The following FGF12 variants were observed in gnomAD, a reference collection of about 807,000 sequenced individuals.
FGF12 encodes fibroblast growth factor 12B.
FGF12 carries 14 observed loss-of-function variants against 23.6 expected under a neutral mutation model. That is an observed-to-expected ratio of 0.59 (90% CI 0.39 to 0.93). The LOEUF is 0.93. FGF12 is among the 40% of genes least tolerant of loss of function. FGF12 has a pLI of 0.00. For missense variants in FGF12, 175 were observed against 217.8 expected, an observed-to-expected ratio of 0.80 and a Z score of 1.24; for synonymous variants, 62 against 77.3, an observed-to-expected ratio of 0.80 and a Z score of 1.04.
intron 4 of FGF12, among the ~76,000 whole-genome samples, chr3:192,305,630 T>C (rs1387113671): frequency 6.9e-6 from 1 of 144,764 alleles, no homozygotes; most frequent in Non-Finnish European, 1.5e-5. Flanking sequence ...TGATAGAACA[T>C]TTACTTTTCT....
chr3:192,540,335 T>C (rs1393171817), intron 2 of FGF12, among the ~76,000 whole-genome samples: 2 of 152,072 alleles, frequency 1.3e-5, no homozygotes, highest in Non-Finnish European at 2.9e-5. Context: ...CAGTGTGTCG[T>C]GTCTCCATTA....
At chr3:192,644,927 T>C (rs925773434) in intron 2 of FGF12, among the ~76,000 whole-genome samples, 13 of 152,278 alleles carry the variant, frequency 8.5e-5, no homozygotes, top group South Asian at 2.1e-4. Flanking sequence ...CTTTGAGAAA[T>C]ATATGACATT....
intron 4 of FGF12, among the ~76,000 whole-genome samples, chr3:192,209,145 T>G (rs1717801296): frequency 6.6e-6 from 1 of 152,220 alleles, no homozygotes; most frequent in African/African-American, 2.4e-5. Flanking sequence ...TTATGGGACT[T>G]TCAGAAAAGC....
rs540581221 is a variant in FGF12, at chr3:192,356,029, C to T, written c.124+4399G>A. Among the ~76,000 whole-genome samples the T allele has an allele frequency of 6.6e-5, 10 of 152,268 alleles. No homozygotes were observed. The South Asian group carries it at 1.9e-3, about 28-fold the overall frequency. On this transcript the variant is annotated intron_variant, in intron 3 of 5. Transcript: ENST00000445105. ...CTGCTGGCTGTCAGGGACTGTTTTG[C>T]TATTTCTCAACTATACGCCCTTTTG...
chr3:192,476,034 T>A lies in FGF12; in HGVS notation c.14-115496A>T, dbSNP rs1411669894. On this transcript the variant is annotated intron_variant, in intron 2 of 5. Coordinates refer to ENST00000445105, the MANE Select transcript of FGF12 (RefSeq NM_004113.6). The stretch of plus-strand genomic sequence containing the variant: ...CAAAGAATGTAACAATCTATGAACT[T>A]CCCAAACCATCATCAAACAGCATAA... Among the ~76,000 whole-genome samples the A allele has an allele frequency of 2.6e-5, 4 of 151,960 alleles. No individual in the cohort carries two copies. In the East Asian group the frequency reaches 7.7e-4, roughly 29 times the overall value.
chr3:192,716,451 C>T (rs982480862), intron 2 of FGF12, among the ~76,000 whole-genome samples: 1 of 152,162 alleles, frequency 6.6e-6, no homozygotes, highest in East Asian at 1.9e-4. Context: ...GATGTCACTG[C>T]CACTCAGTTT....
intron 2 of FGF12, among the ~76,000 whole-genome samples, chr3:192,435,271 T>TA (rs199936558): frequency 1.4e-4 from 21 of 152,200 alleles, no homozygotes; most frequent in Non-Finnish European, 1.8e-4. Flanking sequence ...TAGTTTTTTT[T>TA]AAAAAAACTT....
chr3:192,251,957 A>G (rs1712041105), intron 4 of FGF12, among the ~76,000 whole-genome samples: 1 of 152,162 alleles, frequency 6.6e-6, no homozygotes, highest in African/African-American at 2.4e-5. Context: ...TCCATAAATC[A>G]TTCCTCACAA....
At chr3:192,169,526 C>CTATG (rs2108617090) in intron 5 of FGF12, among the ~76,000 whole-genome samples, 1 of 152,212 alleles carries the variant, frequency 6.6e-6, no homozygotes, top group East Asian at 1.9e-4. Flanking sequence ...GTGCTATGTA[C>CTATG]TATGCACCAG....
intron 2 of FGF12, among the ~76,000 whole-genome samples, chr3:192,383,490 A>G (rs577866065): frequency 4.0e-4 from 61 of 151,502 alleles, no homozygotes; most frequent in Non-Finnish European, 4.0e-4. Flanking sequence ...GAACTCCCTT[A>G]AAATGACATG....
intron 2 of FGF12, among the ~76,000 whole-genome samples, chr3:192,569,404 A>G (rs1407802214): frequency 1.3e-5 from 2 of 152,140 alleles, no homozygotes; most frequent in African/African-American, 4.8e-5. Context: ...CTTAATTTCT[A>G]AGGAACCCTC....
chr3:192,246,881 GAGAA>G (rs1448159123), intron 4 of FGF12, among the ~76,000 whole-genome samples: 7 of 146,186 alleles, frequency 4.8e-5, no homozygotes, highest in East Asian at 4.0e-4. Context: ...AAGAAAGAGA[GAGAA>G]AGAGAGAGGA....
At position 192,522,078 on chromosome 3, in the gene FGF12, G is replaced by A. The variant is rs138608726; in HGVS notation, c.14-161540C>T. Reference sequence around the variant, plus strand: ...CCGAGCGCGGTGGCGGGCGCCTGTAGTCCCAGCTACTCGGGAGGCTGAGGC... The same window carrying A: ...CCGAGCGCGGTGGCGGGCGCCTGTAATCCCAGCTACTCGGGAGGCTGAGGC... On this transcript the variant is annotated intron_variant, in intron 2 of 5. Coordinates refer to ENST00000445105, the MANE Select transcript of FGF12 (RefSeq NM_004113.6). Among the ~76,000 whole-genome samples the A allele has an allele frequency of 4.1e-3, 627 of 152,024 alleles. 1 individual carries two copies. Among genetic ancestry groups the A allele is most frequent in the Non-Finnish European group, 6.1e-3 (417 of 68,008 alleles).
chr3:192,727,524 T>C lies in FGF12; in HGVS notation c.-171A>G, dbSNP rs1433509592. ...GCAGGCAGGAGCTGTCCTCCGAGCG[T>C]GGTGCTGCAGGTGTAGTGACAGATC... On this transcript the variant is annotated 5_prime_UTR_variant, in exon 1 of 6. Coordinates refer to ENST00000445105, the MANE Select transcript of FGF12 (RefSeq NM_004113.6). 5.9e-6 allele frequency: 3 copies of C among 512,176 alleles called. No individual in the cohort carries two copies. The highest frequency in any genetic ancestry group is 1.0e-5 in the Non-Finnish European group (3 of 290,052). 31.7% of individuals were successfully genotyped at this position (512,176 alleles called of 1,614,324 possible). A position where few individuals can be genotyped will look rare whatever the true frequency, so the allele number is the denominator to read the frequency against.
chr3:192,327,766 C>T (rs1239844442), intron 4 of FGF12, among the ~76,000 whole-genome samples: 3 of 152,120 alleles, frequency 2.0e-5, no homozygotes, highest in African/African-American at 4.8e-5. Flanking sequence ...GTGGCACAAA[C>T]GTGGCTTACT....
intron 4 of FGF12, among the ~76,000 whole-genome samples, chr3:192,178,197 G>A (rs1260383962): frequency 6.6e-6 from 1 of 151,916 alleles, no homozygotes; most frequent in Non-Finnish European, 1.5e-5. Context: ...TGTCACTTTT[G>A]TCTTACTTTA....
At chr3:192,586,882 A>AAT (rs1713393757) in intron 2 of FGF12, among the ~76,000 whole-genome samples, 2 of 152,120 alleles carry the variant, frequency 1.3e-5, no homozygotes, top group Admixed American at 1.3e-4. Flanking sequence ...TTTCTATTAA[A>AAT]CTGCTGACAA....
chr3:192,691,364 G>C (rs986688032), intron 2 of FGF12, among the ~76,000 whole-genome samples: 1 of 151,874 alleles, frequency 6.6e-6, no homozygotes, highest in South Asian at 2.1e-4. Context: ...TATGAAACTA[G>C]AAACCAATAA....
chr3:192,643,946 G>C (rs1715898257), intron 2 of FGF12, among the ~76,000 whole-genome samples: 2 of 152,244 alleles, frequency 1.3e-5, no homozygotes, highest in South Asian at 4.1e-4. Context: ...CACCCCACTT[G>C]AAGAGTAAAC....
Sources: allele counts gnomAD v4.1 joint callset (sites outside exome capture counted in the v4.1 genomes callset), GRCh38; gene constraint gnomAD v4.1.1; transcripts MANE v1.5; gene names NCBI Gene and HGNC (gene_info 2026-07-23, HGNC 2026-07-21).